OR1D2: variants seen among roughly 807,000 people sequenced by gnomAD.
OR1D2 encodes olfactory receptor family 1 subfamily D member 2.
For synonymous variants in OR1D2, 157 were observed against 153.9 expected (o/e 1.02, Z -0.15); for missense variants, 357 against 376.1 (o/e 0.95, Z 0.42).
chr17:3,103,857 G>A (rs1258180001), intron 1 of OR1D2, among the ~76,000 whole-genome samples: 1 of 152,236 alleles, frequency 6.6e-6, no homozygotes, highest in East Asian at 1.9e-4. Context: ...CACCTAGGTA[G>A]TCATTCTCAC....
intron 1 of OR1D2, among the ~76,000 whole-genome samples, chr17:3,103,252 C>CA (rs2047882418): frequency 6.6e-6 from 1 of 151,282 alleles, no homozygotes; most frequent in Non-Finnish European, 1.5e-5. Context: ...CTTTTCCTTT[C>CA]TTTTTTTTTG....
At position 3,091,642 on chromosome 17, in the gene OR1D2, C is replaced by A. The variant is rs2047809180; in HGVS notation, c.*416G>T. On this transcript the variant is annotated 3_prime_UTR_variant, in exon 2 of 2. Transcript: ENST00000641833. Reference sequence around the variant, plus strand: ...ATATCACGTGCTGGATCAGCTGATACAAATATGTATGATTGCAATCTCTTT... The same window carrying A: ...ATATCACGTGCTGGATCAGCTGATAAAAATATGTATGATTGCAATCTCTTT... 1 of 169,972 alleles carries A rather than the reference C, an allele frequency of 5.9e-6. No homozygotes were observed. The highest frequency in any genetic ancestry group is 1.3e-5 in the Non-Finnish European group (1 of 77,432). 10.5% of individuals were successfully genotyped at this position (169,972 alleles called of 1,614,324 possible).
At chr17:3,098,557 A>C (rs146258807) in intron 1 of OR1D2, among the ~76,000 whole-genome samples, 88 of 152,298 alleles carry the variant, frequency 5.8e-4, no homozygotes, top group African/African-American at 2.0e-3. Context: ...ACTCATGAAG[A>C]TGAGAAACAA....
At chr17:3,098,376 A>T (rs551246235) in intron 1 of OR1D2, among the ~76,000 whole-genome samples, 5 of 152,258 alleles carry the variant, frequency 3.3e-5, no homozygotes, top group Non-Finnish European at 7.4e-5. Flanking sequence ...CACAGCAGCG[A>T]ACCAGATGAA....
At chr17:3,098,443 G>A (rs1375530456) in intron 1 of OR1D2, among the ~76,000 whole-genome samples, 2 of 152,050 alleles carry the variant, frequency 1.3e-5, no homozygotes, top group Non-Finnish European at 2.9e-5. Context: ...AGCATTGAAA[G>A]AAAAACAAAC....
rs202214536 is a variant in OR1D2 at position 3,103,864 on chromosome 17, TCA to T, written c.-51+233_-51+234del. Among the ~76,000 whole-genome samples, 657 of 152,268 alleles carry T rather than the reference TCA, an allele frequency of 4.3e-3. 3 individuals are homozygous for T. The highest frequency in any genetic ancestry group is 7.0e-3 in the Non-Finnish European group (479 of 68,014). On this transcript the variant is annotated intron_variant, in intron 1 of 1. Coordinates refer to ENST00000641833, the MANE Select transcript of OR1D2 (RefSeq NM_002548.3). Reference sequence around the variant, plus strand: ...CCTCTTCTCACCTAGGTAGTCATTCTCACAGGCTGTGAGAATTACATGCAACA... The same window carrying T: ...CCTCTTCTCACCTAGGTAGTCATTCTCAGGCTGTGAGAATTACATGCAACA...
chr17:3,092,186 A>G lies in OR1D2; in HGVS notation c.811T>C (p.Ser271Pro). ...KPLHTYSVKD[S>P]VATVMYAVVT... ...ACAGCATACATCACTGTGGCTACTG[A>G]GTCCTTCACAGAGTAGGTATGGAGG... Residue 271 changes from serine to proline, a missense_variant, in exon 2 of 2, where the codon TCA becomes CCA. Physicochemically the swap from Ser to Pro is moderately conservative, Grantham distance 74. Transcript: ENST00000641833. The G allele has an allele frequency of 6.2e-7, 1 of 1,614,180 alleles. No homozygotes were observed. The highest frequency in any genetic ancestry group is 8.5e-7 in the Non-Finnish European group (1 of 1,180,022).
intron 1 of OR1D2, among the ~76,000 whole-genome samples, chr17:3,094,418 A>C (rs1384295785): frequency 6.7e-6 from 1 of 150,054 alleles, no homozygotes; most frequent in Non-Finnish European, 1.5e-5. Flanking sequence ...ATATAAAAAA[A>C]TGTAGTATAT....
intron 1 of OR1D2, among the ~76,000 whole-genome samples, chr17:3,098,241 C>T (rs1400029593): frequency 1.3e-5 from 2 of 152,184 alleles, no homozygotes; most frequent in Non-Finnish European, 1.5e-5. Flanking sequence ...CAGGGGATGT[C>T]AGACACCCTA....
intron 1 of OR1D2, among the ~76,000 whole-genome samples, chr17:3,101,867 C>G (rs888810783): frequency 6.6e-6 from 1 of 152,104 alleles, no homozygotes; most frequent in African/African-American, 2.4e-5. Flanking sequence ...TTCCTTTACA[C>G]CAACAATAGA....
intron 1 of OR1D2, among the ~76,000 whole-genome samples, chr17:3,093,396 T>A (rs1958892115): frequency 6.6e-6 from 1 of 152,212 alleles, no homozygotes; most frequent in African/African-American, 2.4e-5. Context: ...ACAATTATTA[T>A]TTGTTGATAT....
chr17:3,099,420 C>A (rs1567949537), intron 1 of OR1D2, among the ~76,000 whole-genome samples: 1 of 152,118 alleles, frequency 6.6e-6, no homozygotes, highest in Non-Finnish European at 1.5e-5. Flanking sequence ...CATATCCTGC[C>A]AAACTAAGCT....
In OR1D2 at chr17:3,092,496, G is replaced by A. The variant is rs1025929687; in HGVS notation, c.501C>T (p.Thr167=). Reference sequence around the variant, plus strand: ...AGTGGATTTTTCGTGACCCACAGAAGGTCACTCTGGTCATGAGGAGGGTGT... The same window carrying A: ...AGTGGATTTTTCGTGACCCACAGAAAGTCACTCTGGTCATGAGGAGGGTGT... ...LIHTLLMTRV[T]FCGSRKIHYI... is the part of the protein sequence containing the mutation. Residue 167 remains threonine, a synonymous_variant, in exon 2 of 2, where the codon ACC becomes ACT. Transcript: ENST00000641833. 6.2e-7 allele frequency: 1 copy of A among 1,614,158 alleles called. No homozygotes were observed. Among genetic ancestry groups the A allele is most frequent in the South Asian group, 1.1e-5 (1 of 91,064 alleles).
intron 1 of OR1D2, among the ~76,000 whole-genome samples, chr17:3,099,417 T>C (rs546574888): frequency 1.3e-5 from 2 of 152,144 alleles, no homozygotes; most frequent in Non-Finnish European, 2.9e-5. Context: ...TTTCATATCC[T>C]GCCAAACTAA....
At chr17:3,096,133 T>C (rs2047843609) in intron 1 of OR1D2, among the ~76,000 whole-genome samples, 1 of 151,670 alleles carries the variant, frequency 6.6e-6, no homozygotes, top group African/African-American at 2.4e-5. Flanking sequence ...TGAGAAAATA[T>C]TAACTTAATG....
chr17:3,090,997 G>T lies in OR1D2; in HGVS notation c.*1061C>A, dbSNP rs1044105713. 1 of 152,126 alleles carries T rather than the reference G, an allele frequency of 6.6e-6. No homozygotes were observed. The highest frequency in any genetic ancestry group is 6.5e-5 in the Admixed American group (1 of 15,286). The allele number at this position is 152,126 out of a possible 1,614,324, so 9.4% of individuals were successfully genotyped here. A position where few individuals can be genotyped will look rare whatever the true frequency, so the allele number is the denominator to read the frequency against. ...TATGGAAGAACTCATGAGATGAGGG[G>T]ATCTCTCTTTGTGCTACTCTGTGCT... On this transcript the variant is annotated 3_prime_UTR_variant, in exon 2 of 2. Transcript: ENST00000641833.
At position 3,104,126 on chromosome 17, in the gene OR1D2, G is replaced by C. The variant is rs951814655; in HGVS notation, c.-78C>G. The C allele has an allele frequency of 6.6e-6, 1 of 152,242 alleles. No individual in the cohort carries two copies. Among genetic ancestry groups the C allele is most frequent in the African/African-American group, 2.4e-5 (1 of 41,450 alleles). The allele number at this position is 152,242 out of a possible 1,614,324, so 9.4% of individuals were successfully genotyped here. On this transcript the variant is annotated 5_prime_UTR_variant, in exon 1 of 2. Transcript: ENST00000641833. Reference sequence around the variant, plus strand: ...TACCCACTGCTCTGTGCTGCTCTCAGAGTTCACTGGTTCAGCTTCCTCCAC... The same window carrying C: ...TACCCACTGCTCTGTGCTGCTCTCACAGTTCACTGGTTCAGCTTCCTCCAC...
In OR1D2 at chr17:3,091,274, C is replaced by T. The variant is rs186079130; in HGVS notation, c.*784G>A. ...TCACCCGTTTTGAAATATCTTTTACCTGATGTCATTGCAGCAATATTTCAC... is the reference window on the plus strand; with the variant it reads ...TCACCCGTTTTGAAATATCTTTTACTTGATGTCATTGCAGCAATATTTCAC... On this transcript the variant is annotated 3_prime_UTR_variant, in exon 2 of 2. Coordinates refer to ENST00000641833, the MANE Select transcript of OR1D2 (RefSeq NM_002548.3). 2.6e-5 allele frequency: 4 copies of T among 152,262 alleles called. No homozygotes were observed. The highest frequency in any genetic ancestry group is 9.6e-5 in the African/African-American group (4 of 41,526). 9.4% of individuals were successfully genotyped at this position (152,262 alleles called of 1,614,324 possible).
intron 1 of OR1D2, among the ~76,000 whole-genome samples, chr17:3,101,093 A>C (rs113557653): frequency 0.054 from 8,274 of 152,272 alleles, 533 homozygotes; most frequent in African/African-American, 0.15. Flanking sequence ...TACCAGAAGT[A>C]CAAAGAGGAG....
Sources: allele counts gnomAD v4.1 joint callset (sites outside exome capture counted in the v4.1 genomes callset), GRCh38; gene constraint gnomAD v4.1.1; transcripts MANE v1.5; gene names NCBI Gene and HGNC (gene_info 2026-07-23, HGNC 2026-07-21).